Variants in PPP2R2B observed in about 807,000 individuals in gnomAD.
PPP2R2B encodes serine/threonine-protein phosphatase 2A 55 kDa regulatory subunit B beta isoform.
PPP2R2B carries 5 observed loss-of-function variants against 46.0 expected under a neutral mutation model. The ratio of observed to expected loss-of-function variants is 0.11; its 90% CI spans 0.06 to 0.23. PPP2R2B has a LOEUF of 0.23. PPP2R2B is among the 10% of genes least tolerant of loss of function. PPP2R2B has a pLI of 1.00. For missense variants in PPP2R2B, 367 were observed against 575.0 expected (o/e 0.64, Z 3.70); for synonymous variants, 215 against 206.7 (o/e 1.04, Z -0.34).
chr5:146,618,746 T>C (rs1006929872), intron 7 of PPP2R2B, among the ~76,000 whole-genome samples: 22 of 152,210 alleles, frequency 1.4e-4, no homozygotes, highest in African/African-American at 4.3e-4. Context: ...CAGCCACTCT[T>C]TCCTCCCAGC....
chr5:146,942,137 C>A (rs1485862829), intron 1 of PPP2R2B, among the ~76,000 whole-genome samples: 1 of 152,084 alleles, frequency 6.6e-6, no homozygotes, highest in Non-Finnish European at 1.5e-5. Flanking sequence ...AGATTACATG[C>A]GCAAAGACTC....
intron 4 of PPP2R2B, 105 bp from the exon 5 acceptor site, chr5:146,691,345 T>C: frequency 1.2e-6 from 1 of 834,550 alleles, no homozygotes; most frequent in Non-Finnish European, 1.9e-6. Context: ...ATGGATAGAA[T>C]TGCTACAGAA....
intron 1 of PPP2R2B, among the ~76,000 whole-genome samples, chr5:146,987,547 G>T (rs1258299200): frequency 1.3e-5 from 2 of 151,848 alleles, no homozygotes; most frequent in African/African-American, 4.8e-5. Flanking sequence ...TTAAAGTCAG[G>T]TTATCATCAG....
intron 2 of PPP2R2B, among the ~76,000 whole-genome samples, chr5:146,829,123 A>C (rs1161951678): frequency 6.6e-6 from 1 of 152,218 alleles, no homozygotes; most frequent in Non-Finnish European, 1.5e-5. Flanking sequence ...TTCTAATAAG[A>C]GTAAGAAAAT....
intron 1 of PPP2R2B, among the ~76,000 whole-genome samples, chr5:146,995,421 G>A (rs1425496645): frequency 6.6e-6 from 1 of 152,158 alleles, no homozygotes; most frequent in Non-Finnish European, 1.5e-5. Context: ...ATTGTAATTG[G>A]GGGTGTAACC....
intron 1 of PPP2R2B, among the ~76,000 whole-genome samples, chr5:146,938,075 G>A (rs771463522): frequency 2.6e-5 from 4 of 151,990 alleles, no homozygotes; most frequent in African/African-American, 4.8e-5. Context: ...AATTTTACTG[G>A]GCCAAAACGT....
intron 1 of PPP2R2B, among the ~76,000 whole-genome samples, chr5:146,897,006 G>C (rs917167030): frequency 2.6e-5 from 4 of 152,126 alleles, no homozygotes; most frequent in Non-Finnish European, 5.9e-5. Flanking sequence ...ATGATGAACT[G>C]AGCATATATT....
Position 146,581,115 on chromosome 5 carries a change from C to A in PPP2R2B, c.*8832G>T, listed in dbSNP as rs996146835. ...CCTCTATTAGTCTGTTCTTGCATTGCTATAAAGAAAAACCCGAGACTGGGT... is the reference window on the plus strand; with the variant it reads ...CCTCTATTAGTCTGTTCTTGCATTGATATAAAGAAAAACCCGAGACTGGGT... On this transcript the variant is annotated 3_prime_UTR_variant, in exon 10 of 10. Transcript: ENST00000394411. 6.6e-6 allele frequency: 1 copy of A among 152,068 alleles called. No homozygotes were observed. Among genetic ancestry groups the A allele is most frequent in the Non-Finnish European group, 1.5e-5 (1 of 68,018 alleles). The allele number at this position is 152,068 out of a possible 1,614,324, so 9.4% of individuals were successfully genotyped here.
At chr5:146,989,704 C>G (rs531429377) in intron 1 of PPP2R2B, among the ~76,000 whole-genome samples, 2 of 152,036 alleles carry the variant, frequency 1.3e-5, no homozygotes, top group African/African-American at 4.8e-5. Context: ...AGAATACCCA[C>G]GTTTACCACT....
intron 2 of PPP2R2B, among the ~76,000 whole-genome samples, chr5:146,704,503 A>T (rs60087042): frequency 6.6e-6 from 1 of 152,218 alleles, no homozygotes; most frequent in Non-Finnish European, 1.5e-5. Flanking sequence ...AAACTTGAGC[A>T]TTTTTCCTCT....
intron 5 of PPP2R2B, among the ~76,000 whole-genome samples, chr5:146,661,080 G>A (rs1257395738): frequency 6.6e-6 from 1 of 152,194 alleles, no homozygotes; most frequent in Non-Finnish European, 1.5e-5. Context: ...AGGGCCATAA[G>A]CATTCAATCC....
intron 2 of PPP2R2B, among the ~76,000 whole-genome samples, chr5:146,828,361 C>T (rs1758711446): frequency 6.6e-6 from 1 of 151,288 alleles, no homozygotes; most frequent in South Asian, 2.1e-4. Flanking sequence ...GTATCAATGA[C>T]CAAATCAGTG....
At chr5:146,806,736 A>G (rs1254824509) in intron 2 of PPP2R2B, among the ~76,000 whole-genome samples, 1 of 152,242 alleles carries the variant, frequency 6.6e-6, no homozygotes, top group Non-Finnish European at 1.5e-5. Flanking sequence ...AGTATGAATG[A>G]GTGGAGTAAT....
intron 2 of PPP2R2B, among the ~76,000 whole-genome samples, chr5:146,788,108 T>C (rs1199803104): frequency 6.6e-6 from 1 of 152,150 alleles, no homozygotes; most frequent in African/African-American, 2.4e-5. Context: ...TCCATGCCGT[T>C]GTGTGAGCAT....
At chr5:146,834,824 T>C (rs1273524204) in intron 2 of PPP2R2B, among the ~76,000 whole-genome samples, 1 of 152,192 alleles carries the variant, frequency 6.6e-6, no homozygotes, top group Non-Finnish European at 1.5e-5. Flanking sequence ...CCCTCTTTTG[T>C]TTCCATGAGT....
chr5:146,805,436 G>T (rs1757118636), intron 2 of PPP2R2B, among the ~76,000 whole-genome samples: 1 of 152,102 alleles, frequency 6.6e-6, no homozygotes, highest in Non-Finnish European at 1.5e-5. Flanking sequence ...GCTCTTTGTT[G>T]TCTAATTGCA....
rs1397354200 is a variant in PPP2R2B at position 147,033,248 on chromosome 5, T to C, written c.79+22417A>G. Reference sequence around the variant, plus strand: ...TATTTTCAATTTCTACTTTTTCTCTTAATAACCACCCATGTGCATGGCTTT... The same window carrying C: ...TATTTTCAATTTCTACTTTTTCTCTCAATAACCACCCATGTGCATGGCTTT... On this transcript the variant is annotated intron_variant, in intron 1 of 8. Transcript: ENST00000336640. 2.0e-5 allele frequency among the ~76,000 whole-genome samples: 3 copies of C among 152,298 alleles called. No homozygotes were observed. In the East Asian group the frequency reaches 5.8e-4, roughly 29 times the overall value.
At chr5:146,873,350 G>T (rs1457662141) in intron 2 of PPP2R2B, among the ~76,000 whole-genome samples, 3 of 151,930 alleles carry the variant, frequency 2.0e-5, no homozygotes, top group Non-Finnish European at 4.4e-5. Flanking sequence ...TACATGCCTG[G>T]CTCTCTAACC....
intron 2 of PPP2R2B, among the ~76,000 whole-genome samples, chr5:146,719,457 C>T (rs1780668438): frequency 2.0e-5 from 3 of 152,196 alleles, no homozygotes; most frequent in Admixed American, 2.0e-4. Context: ...CTCTGAATCT[C>T]AGTTTCTTTA....
Sources: gnomAD v4.1 joint callset for allele counts (sites outside exome capture counted in the v4.1 genomes callset) on GRCh38, gnomAD v4.1.1 for gene constraint, MANE v1.5 for transcripts, NCBI Gene and HGNC (gene_info 2026-07-23, HGNC 2026-07-21) for gene names.